CCSER1: variants seen among roughly 807,000 people sequenced by gnomAD.
CCSER1 encodes the protein serine-rich coiled-coil domain-containing protein 1.
CCSER1 carries 41 observed loss-of-function variants against 82.0 expected under a neutral mutation model. The observed-to-expected ratio is 0.50, with a 90% CI of 0.39 to 0.65. CCSER1 has a LOEUF of 0.65. CCSER1 is among the 30% of genes least tolerant of loss of function. The pLI, the probability that CCSER1 is intolerant of heterozygous loss-of-function variation, is 0.00. For synonymous variants in CCSER1, 414 were observed against 383.9 expected (o/e 1.08, Z -0.92); for missense variants, 1,119 against 1,064.2 (o/e 1.05, Z -0.72).
At chr4:91,190,445 A>T (rs2149047351) in intron 10 of CCSER1, among the ~76,000 whole-genome samples, 1 of 152,116 alleles carries the variant, frequency 6.6e-6, no homozygotes, top group East Asian at 1.9e-4. Context: ...TCCTTTCTAT[A>T]CTGTGTCTTA....
At chr4:90,283,436 A>T (rs1729240336) in intron 1 of CCSER1, among the ~76,000 whole-genome samples, 1 of 152,014 alleles carries the variant, frequency 6.6e-6, no homozygotes, top group Non-Finnish European at 1.5e-5. Flanking sequence ...GCATGCAATG[A>T]TCAAATCAGG....
At chr4:90,983,052 T>TA (rs913511116) in intron 9 of CCSER1, among the ~76,000 whole-genome samples, 2 of 151,756 alleles carry the variant, frequency 1.3e-5, no homozygotes, top group African/African-American at 2.4e-5. Context: ...CAGCATGACT[T>TA]ACGCTATGCA....
chr4:90,964,591 G>A (rs1734362288), intron 9 of CCSER1, among the ~76,000 whole-genome samples: 2 of 151,814 alleles, frequency 1.3e-5, no homozygotes, highest in East Asian at 1.9e-4. Context: ...TGGGTGTGGT[G>A]GCAGGCGCCT....
intron 5 of CCSER1, among the ~76,000 whole-genome samples, chr4:90,536,142 C>G (rs1334922060): frequency 6.7e-6 from 1 of 148,200 alleles, no homozygotes; most frequent in African/African-American, 2.5e-5. Flanking sequence ...AAGCAATTCT[C>G]CTGCCTCAGC....
chr4:91,456,291 A>G, intron 10 of CCSER1, among the ~76,000 whole-genome samples: 1 of 151,920 alleles, frequency 6.6e-6, no homozygotes, highest in Non-Finnish European at 1.5e-5. Flanking sequence ...TTACCTCCCA[A>G]AGGTCTCATT....
At chr4:90,413,121 C>T (rs1016527445) in intron 4 of CCSER1, among the ~76,000 whole-genome samples, 2 of 152,148 alleles carry the variant, frequency 1.3e-5, no homozygotes, top group Non-Finnish European at 2.9e-5. Context: ...AATTAATGTA[C>T]ACAAATCAGT....
intron 5 of CCSER1, among the ~76,000 whole-genome samples, chr4:90,617,022 TTAATA>T (rs1450612282): frequency 6.6e-6 from 1 of 152,142 alleles, no homozygotes; most frequent in Non-Finnish European, 1.5e-5. Context: ...TAGGAAAATG[TTAATA>T]TAAGAATTGA....
intron 9 of CCSER1, among the ~76,000 whole-genome samples, chr4:90,955,986 T>TTA (rs540254767): frequency 1.5e-3 from 228 of 151,834 alleles, no homozygotes; most frequent in Non-Finnish European, 2.8e-3. Flanking sequence ...TTCTTGTGTA[T>TTA]TATATATATA....
intron 9 of CCSER1, among the ~76,000 whole-genome samples, chr4:90,937,504 A>AC (rs757870134): frequency 1.8e-4 from 14 of 77,778 alleles, no homozygotes; most frequent in African/African-American, 4.3e-4. Context: ...CACACACACA[A>AC]ACACACACAC....
intron 5 of CCSER1, among the ~76,000 whole-genome samples, chr4:90,559,115 C>T (rs978039939): frequency 6.6e-6 from 1 of 152,158 alleles, no homozygotes; most frequent in African/African-American, 2.4e-5. Context: ...AGCTACAGGC[C>T]TGTATAAATG....
intron 8 of CCSER1, among the ~76,000 whole-genome samples, chr4:90,915,713 G>A (rs529739875): frequency 9.2e-6 from 1 of 108,626 alleles, no homozygotes; most frequent in African/African-American, 5.3e-5. Flanking sequence ...TAGGAAAGGA[G>A]GAAGTCATCT....
chr4:90,636,152 A>G (rs1490645076), intron 6 of CCSER1, among the ~76,000 whole-genome samples: 6 of 151,994 alleles, frequency 3.9e-5, no homozygotes, highest in Admixed American at 6.6e-5. Context: ...CAACATGATA[A>G]TAAGACATGG....
chr4:90,969,386 A>C (rs1734871370), intron 9 of CCSER1, among the ~76,000 whole-genome samples: 1 of 152,058 alleles, frequency 6.6e-6, no homozygotes, highest in African/African-American at 2.4e-5. Context: ...GGACAAAGAA[A>C]GAATTTTGAA....
intron 10 of CCSER1, among the ~76,000 whole-genome samples, chr4:91,542,729 G>C (rs1243726323): frequency 2.0e-5 from 3 of 152,124 alleles, no homozygotes; most frequent in African/African-American, 7.2e-5. Context: ...CAACTATGTG[G>C]TCAATTTTGG....
intron 8 of CCSER1, among the ~76,000 whole-genome samples, chr4:90,884,171 T>A (rs1721763709): frequency 6.6e-6 from 1 of 152,130 alleles, no homozygotes; most frequent in East Asian, 1.9e-4. Context: ...ACAATGAATT[T>A]GGGACTTGTA....
chr4:91,578,423 G>A (rs554582748), intron 10 of CCSER1, among the ~76,000 whole-genome samples: 1 of 151,802 alleles, frequency 6.6e-6, no homozygotes, highest in Non-Finnish European at 1.5e-5. Context: ...AGATTGCTGG[G>A]AAATGTGTTA....
chr4:90,226,046 T>C (rs755207921), intron 1 of CCSER1, among the ~76,000 whole-genome samples: 8 of 152,192 alleles, frequency 5.3e-5, no homozygotes, highest in Non-Finnish European at 1.2e-4. Flanking sequence ...GCTACCCTAT[T>C]AGAGATGCTG....
At chr4:90,768,203 ACC>A (rs1751537521) in intron 7 of CCSER1, among the ~76,000 whole-genome samples, 1 of 152,150 alleles carries the variant, frequency 6.6e-6, no homozygotes, top group Non-Finnish European at 1.5e-5. Flanking sequence ...TCATAAGGTC[ACC>A]CTGTGGAGAG....
intron 10 of CCSER1, among the ~76,000 whole-genome samples, chr4:91,406,669 T>C (rs1033737246): frequency 1.3e-5 from 2 of 152,242 alleles, no homozygotes; most frequent in African/African-American, 4.8e-5. Context: ...TGATTTTTCC[T>C]GGTACATAAA....
Sources: gnomAD v4.1 joint callset for allele counts (sites outside exome capture counted in the v4.1 genomes callset) on GRCh38, gnomAD v4.1.1 for gene constraint, MANE v1.5 for transcripts, NCBI Gene and HGNC (gene_info 2026-07-23, HGNC 2026-07-21) for gene names.